Variants in DPP10 observed in about 807,000 individuals in gnomAD.
DPP10 encodes dipeptidyl peptidase like 10, also known as inactive dipeptidyl peptidase 10.
A neutral mutation model predicts 120.9 loss-of-function variants in DPP10; 33 were observed. The ratio of observed to expected loss-of-function variants is 0.27; its 90% confidence interval spans 0.21 to 0.37. The LOEUF (loss-of-function observed/expected upper bound fraction) is 0.37, where lower values mean the gene tolerates loss of function less well. DPP10 is among the 10% of genes least tolerant of loss of function. DPP10 has a pLI of 1.00. For synonymous variants in DPP10, 337 were observed against 326.1 expected (o/e 1.03, Z -0.36); for missense variants, 816 against 942.8 (o/e 0.87, Z 1.76).
chr2:114,527,181 T>G (rs1052495048), intron 1 of DPP10, among the ~76,000 whole-genome samples: 8 of 152,214 alleles, frequency 5.3e-5, no homozygotes, highest in African/African-American at 1.9e-4. Context: ...GAGAGTTTAT[T>G]GATTGTTTGT....
intron 1 of DPP10, among the ~76,000 whole-genome samples, chr2:114,805,256 A>G (rs1684625363): frequency 6.6e-6 from 1 of 152,174 alleles, no homozygotes; most frequent in African/African-American, 2.4e-5. Flanking sequence ...ATTAAAACAG[A>G]CTGATACACA....
intron 1 of DPP10, among the ~76,000 whole-genome samples, chr2:114,856,739 G>C (rs943284706): frequency 1.3e-5 from 2 of 152,178 alleles, no homozygotes; most frequent in East Asian, 1.9e-4. Flanking sequence ...TGGAAGGAGA[G>C]AGAGCAGGAG....
At chr2:114,811,818 C>T (rs1685197956) in intron 1 of DPP10, among the ~76,000 whole-genome samples, 3 of 152,206 alleles carry the variant, frequency 2.0e-5, no homozygotes, top group Admixed American at 6.5e-5. Flanking sequence ...GTTCTCTCTA[C>T]AATAGAGCAG....
At chr2:115,404,751 T>C (rs954978447) in intron 3 of DPP10, among the ~76,000 whole-genome samples, 1 of 151,944 alleles carries the variant, frequency 6.6e-6, no homozygotes, top group Non-Finnish European at 1.5e-5. Flanking sequence ...GGAAGAGAAA[T>C]GGAAGGGGAA....
chr2:115,055,923 A>G (rs1221127038), intron 1 of DPP10, among the ~76,000 whole-genome samples: 1 of 147,902 alleles, frequency 6.8e-6, no homozygotes, highest in East Asian at 1.9e-4. Context: ...ACTCTTAAAA[A>G]TTAATTAATC....
At chr2:114,447,730 G>A (rs1296844583) in intron 1 of DPP10, among the ~76,000 whole-genome samples, 1 of 151,264 alleles carries the variant, frequency 6.6e-6, no homozygotes, top group Admixed American at 6.6e-5. Context: ...GATTTCACCA[G>A]TGAGTTCTAC....
At chr2:114,484,722 G>A (rs1386678173) in intron 1 of DPP10, among the ~76,000 whole-genome samples, 1 of 151,994 alleles carries the variant, frequency 6.6e-6, no homozygotes, top group Non-Finnish European at 1.5e-5. Flanking sequence ...ATATCCCTGG[G>A]TGATTCATAT....
At chr2:115,316,103 A>G (rs1465361929) in intron 2 of DPP10, among the ~76,000 whole-genome samples, 2 of 152,164 alleles carry the variant, frequency 1.3e-5, no homozygotes, top group South Asian at 2.1e-4. Context: ...ACATTTATGT[A>G]TATCTTTTTC....
chr2:115,446,890 G>T (rs2072648643), intron 3 of DPP10, among the ~76,000 whole-genome samples: 2 of 152,140 alleles, frequency 1.3e-5, no homozygotes, highest in South Asian at 4.1e-4. Context: ...TGTTAAAAGA[G>T]AAGTGATTTC....
chr2:115,441,551 A>T (rs2072045382), intron 3 of DPP10, among the ~76,000 whole-genome samples: 1 of 152,102 alleles, frequency 6.6e-6, no homozygotes, highest in African/African-American at 2.4e-5. Flanking sequence ...TTTATCTGAG[A>T]TGCCCTATGG....
At chr2:115,101,274 G>A (rs914915467) in intron 1 of DPP10, among the ~76,000 whole-genome samples, 1 of 152,150 alleles carries the variant, frequency 6.6e-6, no homozygotes, top group African/African-American at 2.4e-5. Flanking sequence ...ATGGCTGGAT[G>A]AGACTCTCAG....
chr2:114,817,135 A>G (rs962535657), intron 1 of DPP10, among the ~76,000 whole-genome samples: 1 of 152,178 alleles, frequency 6.6e-6, no homozygotes, highest in African/African-American at 2.4e-5. Flanking sequence ...CATGCAATCA[A>G]TCAGCATTCT....
At chr2:115,654,858 A>G (rs960468709) in intron 5 of DPP10, among the ~76,000 whole-genome samples, 11 of 151,760 alleles carry the variant, frequency 7.2e-5, no homozygotes, top group African/African-American at 2.2e-4. Flanking sequence ...AGTAGCTGAT[A>G]GGGTCATTAG....
intron 5 of DPP10, among the ~76,000 whole-genome samples, chr2:115,569,831 ATTG>A (rs1234418836): frequency 6.6e-6 from 1 of 152,216 alleles, no homozygotes; most frequent in Non-Finnish European, 1.5e-5. Flanking sequence ...ATCCTTTATT[ATTG>A]TTAAGAATTA....
At chr2:115,308,968 T>C (rs1015062517) in intron 1 of DPP10, among the ~76,000 whole-genome samples, 2 of 152,116 alleles carry the variant, frequency 1.3e-5, no homozygotes, top group Non-Finnish European at 2.9e-5. Context: ...ATCATCCTGG[T>C]GTTTATAGTC....
intron 8 of DPP10, among the ~76,000 whole-genome samples, chr2:115,730,533 G>T (rs2092880261): frequency 6.6e-6 from 1 of 152,196 alleles, no homozygotes; most frequent in African/African-American, 2.4e-5. Flanking sequence ...TCAACTGAGG[G>T]TATACTCAAT....
chr2:115,415,644 C>T (rs1453198697), intron 3 of DPP10, among the ~76,000 whole-genome samples: 1 of 151,808 alleles, frequency 6.6e-6, no homozygotes, highest in Non-Finnish European at 1.5e-5. Flanking sequence ...AAATATATGA[C>T]CTTCCTTTAA....
intron 17 of DPP10, among the ~76,000 whole-genome samples, chr2:115,782,810 G>C (rs1016300868): frequency 6.6e-6 from 1 of 151,912 alleles, no homozygotes; most frequent in Non-Finnish European, 1.5e-5. Flanking sequence ...TTTCTATCCT[G>C]TTTGTTCCAG....
At chr2:115,560,795 G>A (rs953255993) in intron 5 of DPP10, among the ~76,000 whole-genome samples, 1 of 151,996 alleles carries the variant, frequency 6.6e-6, no homozygotes, top group African/African-American at 2.4e-5. Flanking sequence ...TCATCTTACT[G>A]TGGTCATTAT....
Sources: gnomAD v4.1 joint callset for allele counts (sites outside exome capture counted in the v4.1 genomes callset) on GRCh38, gnomAD v4.1.1 for gene constraint, MANE v1.5 for transcripts, NCBI Gene and HGNC (gene_info 2026-07-23, HGNC 2026-07-21) for gene names.